NOTCH2NLC: variants seen among roughly 807,000 people sequenced by gnomAD.
The protein encoded by NOTCH2NLC is notch 2 N-terminal like C.
Under a neutral mutation model 17.7 loss-of-function variants are expected in NOTCH2NLC, and 4 were observed. That is an observed-to-expected ratio of 0.23 (90% CI 0.11 to 0.52). The LOEUF (loss-of-function observed/expected upper bound fraction) is 0.52. Among genes scored for constraint, NOTCH2NLC ranks in the 20% least tolerant of loss-of-function variants. The pLI is 0.96. For missense variants in NOTCH2NLC, 57 were observed against 207.2 expected, an observed-to-expected ratio of 0.28 and a Z score of 4.45; for synonymous variants, 18 against 86.0, an observed-to-expected ratio of 0.21 and a Z score of 4.38.
intron 1 of NOTCH2NLC, among the ~76,000 whole-genome samples, chr1:149,423,391 T>TCC: frequency 6.6e-6 from 1 of 151,468 alleles, no homozygotes; most frequent in Non-Finnish European, 1.5e-5. Context: ...CATGGCTTGG[T>TCC]CCCAAAAAAT....
intron 1 of NOTCH2NLC, among the ~76,000 whole-genome samples, chr1:149,399,861 G>T (rs1457197490): frequency 6.7e-6 from 1 of 148,384 alleles, no homozygotes; most frequent in East Asian, 2.0e-4. Flanking sequence ...GTAGGTTTAC[G>T]TAGCAACAGA....
At chr1:149,446,388 C>T (rs1238649147) in intron 2 of NOTCH2NLC, among the ~76,000 whole-genome samples, 2 of 117,018 alleles carry the variant, frequency 1.7e-5, no homozygotes, top group Admixed American at 8.9e-5. Flanking sequence ...TAGGAGGAAT[C>T]CCTTGTTTTT....
intron 1 of NOTCH2NLC, among the ~76,000 whole-genome samples, chr1:149,410,317 T>C (rs2084291980): frequency 6.7e-6 from 1 of 149,680 alleles, no homozygotes; most frequent in African/African-American, 2.5e-5. Flanking sequence ...AGAAATCCTT[T>C]ACCAGAGTAG....
intron 1 of NOTCH2NLC, among the ~76,000 whole-genome samples, chr1:149,429,304 TATA>T (rs1194785697): frequency 2.0e-5 from 3 of 150,250 alleles, no homozygotes; most frequent in Admixed American, 6.6e-5. Context: ...GGTAAATGGG[TATA>T]ATAATATCCA....
At chr1:149,462,187 G>A (rs1311075791) in intron 3 of NOTCH2NLC, among the ~76,000 whole-genome samples, 7 of 149,332 alleles carry the variant, frequency 4.7e-5, no homozygotes, top group Admixed American at 6.7e-5. Context: ...AATAATAAGC[G>A]ACTTAGACTA....
chr1:149,444,811 C>A (rs1298772390), intron 2 of NOTCH2NLC, among the ~76,000 whole-genome samples: 1 of 138,176 alleles, frequency 7.2e-6, no homozygotes, highest in Admixed American at 7.2e-5. Context: ...TAGTAAGGCC[C>A]TAGAAAAACT....
At chr1:149,406,895 T>G (rs2084273062) in intron 1 of NOTCH2NLC, among the ~76,000 whole-genome samples, 2 of 151,460 alleles carry the variant, frequency 1.3e-5, no homozygotes, top group South Asian at 4.2e-4. Context: ...TTTCAGTTTC[T>G]TTTAATGACT....
rs1190719280 is a variant in NOTCH2NLC, at chr1:149,464,705, C to T, written c.*552C>T. On this transcript the variant is annotated 3_prime_UTR_variant, in exon 5 of 5. Coordinates refer to ENST00000650865, the MANE Select transcript of NOTCH2NLC (RefSeq NM_001364013.2). ...GGGAACAGAATACAAGCAGCTGAAG[C>T]AGATGAATTACTAAGCAACAAAGAT... The T allele has an allele frequency of 6.7e-6, 1 of 150,012 alleles. No individual in the cohort carries two copies. Among genetic ancestry groups the T allele is most frequent in the Non-Finnish European group, 1.5e-5 (1 of 67,310 alleles). 9.3% of individuals were successfully genotyped at this position (150,012 alleles called of 1,614,324 possible). A position where few individuals can be genotyped will look rare whatever the true frequency, so the allele number is the denominator to read the frequency against.
At chr1:149,443,377 C>T (rs1431389193) in intron 2 of NOTCH2NLC, among the ~76,000 whole-genome samples, 1 of 149,104 alleles carries the variant, frequency 6.7e-6, no homozygotes, top group Non-Finnish European at 1.5e-5. Flanking sequence ...TTCCACAGAG[C>T]CCTTCATTTT....
intron 3 of NOTCH2NLC, among the ~76,000 whole-genome samples, chr1:149,460,913 T>TTC (rs1304886209): frequency 8.7e-6 from 1 of 114,380 alleles, no homozygotes; most frequent in Admixed American, 9.4e-5. Context: ...CTTTCTTTCT[T>TTC]TCTCTCTCTT....
intron 1 of NOTCH2NLC, among the ~76,000 whole-genome samples, chr1:149,410,167 A>T (rs1160476402): frequency 1.7e-5 from 2 of 116,756 alleles, no homozygotes; most frequent in Non-Finnish European, 1.8e-5. Flanking sequence ...ACCCCATGAG[A>T]TCTAATGCAG....
At chr1:149,429,681 C>G (rs1253912360) in intron 1 of NOTCH2NLC, among the ~76,000 whole-genome samples, 2 of 151,300 alleles carry the variant, frequency 1.3e-5, no homozygotes, top group Non-Finnish European at 3.0e-5. Flanking sequence ...CAATACTAGG[C>G]TTTTATGCAG....
intron 1 of NOTCH2NLC, among the ~76,000 whole-genome samples, chr1:149,392,961 C>G (rs2084183415): frequency 6.9e-6 from 1 of 145,314 alleles, no homozygotes; most frequent in East Asian, 2.1e-4. Context: ...GTCCCAGCTA[C>G]TTGGGAGGCT....
In NOTCH2NLC at chr1:149,462,823, C is replaced by A. The variant is rs1477471137; in HGVS notation, c.470-668C>A. Among the ~76,000 whole-genome samples, 78 of 135,178 alleles carry A rather than the reference C, an allele frequency of 5.8e-4. 4 individuals are homozygous for A. The highest frequency in any genetic ancestry group is 1.1e-3 in the Non-Finnish European group (68 of 64,052). The allele number at this position is 135,178 out of a possible 152,430, so 88.7% of individuals were successfully genotyped here. A position where few individuals can be genotyped will look rare whatever the true frequency, so the allele number is the denominator to read the frequency against. Reference sequence around the variant, plus strand: ...AGGGAGAGTTCACTAGGAAAACAGACGGGAAGTTGATTTTTTTTTTTTTTT... The same window carrying A: ...AGGGAGAGTTCACTAGGAAAACAGAAGGGAAGTTGATTTTTTTTTTTTTTT... On this transcript the variant is annotated intron_variant, in intron 3 of 4. Coordinates refer to ENST00000650865, the MANE Select transcript of NOTCH2NLC (RefSeq NM_001364013.2).
In NOTCH2NLC at chr1:149,419,636, G is replaced by A. The variant is rs1204673531; in HGVS notation, c.136-11306G>A. ...AAGAAAGAATATGAGTAATCAAAAG[G>A]CTGATGGAGTTGGAGGACTGGCGTT... On this transcript the variant is annotated intron_variant, in intron 1 of 4. Transcript: ENST00000650865. Among the ~76,000 whole-genome samples, 202 of 148,722 alleles carry A rather than the reference G, an allele frequency of 1.4e-3. 7 individuals carry two copies. Among genetic ancestry groups the A allele is most frequent in the Non-Finnish European group, 2.6e-3 (171 of 66,652 alleles).
chr1:149,462,982 C>T lies in NOTCH2NLC; in HGVS notation c.470-509C>T, dbSNP rs1303759764. ...TTCCAAGTAGCTGGGATTACAGGTG[C>T]GCGCCACCATGCCCAGCTAATTTTT... On this transcript the variant is annotated intron_variant, in intron 3 of 4. Transcript: ENST00000650865. Among the ~76,000 whole-genome samples the T allele has an allele frequency of 3.4e-5, 5 of 146,472 alleles. 1 individual carries two copies. Among genetic ancestry groups the T allele is most frequent in the Admixed American group, 6.8e-5 (1 of 14,712 alleles).
intron 1 of NOTCH2NLC, among the ~76,000 whole-genome samples, chr1:149,427,525 GTC>G (rs1225212930): frequency 7.8e-5 from 6 of 76,710 alleles, no homozygotes; most frequent in Non-Finnish European, 1.5e-4. Context: ...TTGAGATGGA[GTC>G]TCTCTCTGTC....
intron 1 of NOTCH2NLC, among the ~76,000 whole-genome samples, chr1:149,430,379 G>A (rs1291871700): frequency 7.4e-6 from 1 of 134,546 alleles, no homozygotes; most frequent in African/African-American, 2.8e-5. Flanking sequence ...GTTTATTTAT[G>A]TATTCCATTT....
At chr1:149,437,159 G>C (rs1237610066) in intron 2 of NOTCH2NLC, among the ~76,000 whole-genome samples, 1 of 144,838 alleles carries the variant, frequency 6.9e-6, no homozygotes, top group Non-Finnish European at 1.5e-5. Context: ...GTGGCCTTCT[G>C]TACAGGGGCT....
Sources: gnomAD v4.1 joint callset for allele counts (sites outside exome capture counted in the v4.1 genomes callset) on GRCh38, gnomAD v4.1.1 for gene constraint, MANE v1.5 for transcripts, NCBI Gene and HGNC (gene_info 2026-07-23, HGNC 2026-07-21) for gene names.